Variants in LMO7 observed in about 807,000 individuals in gnomAD.
The protein encoded by LMO7 is LIM domain 7, also known as LIM domain only protein 7.
A neutral mutation model predicts 206.5 loss-of-function variants in LMO7; 120 were observed. That is an observed-to-expected ratio of 0.58 (90% confidence interval 0.50 to 0.68). LMO7 has a LOEUF of 0.68. LMO7 is among the 30% of genes least tolerant of loss of function. The probability of loss-of-function intolerance (pLI) is 0.00; values close to 1 mark genes in which losing one functional copy is unlikely to be tolerated. For missense variants in LMO7, 1,959 were observed against 1,957.9 expected, an observed-to-expected ratio of 1.00 and a Z score of -0.01; for synonymous variants, 706 against 681.5, an observed-to-expected ratio of 1.04 and a Z score of -0.56.
At chr13:75,718,365 T>A (rs2043731799) in intron 2 of LMO7, among the ~76,000 whole-genome samples, 1 of 152,218 alleles carries the variant, frequency 6.6e-6, no homozygotes, top group South Asian at 2.1e-4. Context: ...TATATCACTC[T>A]TATTTACCTG....
intron 3 of LMO7, among the ~76,000 whole-genome samples, chr13:75,735,373 A>C (rs544469421): frequency 3.4e-4 from 51 of 152,108 alleles, no homozygotes; most frequent in Non-Finnish European, 6.3e-4. Context: ...ATACACACAC[A>C]CACACACACA....
rs1233014652 is a variant in LMO7 at position 75,807,353 on chromosome 13, T to A, written c.1197-127T>A. 2.5e-5 allele frequency: 24 copies of A among 941,982 alleles called. No individual in the cohort carries two copies. The East Asian group carries it at 2.6e-4, about 10-fold the overall frequency. The allele number at this position is 941,982 out of a possible 1,614,324, so 58.4% of individuals were successfully genotyped here. On this transcript the variant is annotated intron_variant, in intron 9 of 30. Coordinates refer to ENST00000377534, the MANE Select transcript of LMO7 (RefSeq NM_001306080.2). ...AGCAAGAGTCCCCACAATGGTCCTC[T>A]AAAATGATTTACCCTCAGTAACTGG...
At chr13:75,627,981 A>C (rs1721768056) in intron 2 of LMO7, 1 of 152,000 alleles carries the variant, frequency 6.6e-6, no homozygotes, top group Non-Finnish European at 1.5e-5. Flanking sequence ...AAAAACCTCA[A>C]AAAAAGCTCT....
At chr13:75,828,280 C>T (rs1430072473) in intron 15 of LMO7, among the ~76,000 whole-genome samples, 4 of 152,156 alleles carry the variant, frequency 2.6e-5, no homozygotes, top group Admixed American at 6.5e-5. Context: ...GTATTATCCC[C>T]GTTTTTACCA....
intron 2 of LMO7, 24 bp from the exon 3 acceptor site, chr13:75,727,002 TTGC>T: frequency 7.8e-7 from 1 of 1,286,192 alleles, no homozygotes; most frequent in Non-Finnish European, 1.1e-6. Context: ...CATCTTGTAA[TTGC>T]ATCTGTTATT....
chr13:75,665,056 G>A (rs1383837852), intron 1 of LMO7, among the ~76,000 whole-genome samples: 1 of 152,092 alleles, frequency 6.6e-6, no homozygotes, highest in East Asian at 1.9e-4. Flanking sequence ...AGGGTCAGGT[G>A]TGTGTATATG....
chr13:75,726,318 G>T (rs186749241), intron 2 of LMO7, among the ~76,000 whole-genome samples: 2 of 152,084 alleles, frequency 1.3e-5, no homozygotes, highest in Admixed American at 6.6e-5. Context: ...AGTTTCAGTT[G>T]TCAAAGCTGA....
At chr13:75,776,153 T>C (rs2050372448) in intron 4 of LMO7, among the ~76,000 whole-genome samples, 1 of 93,718 alleles carries the variant, frequency 1.1e-5, no homozygotes, top group African/African-American at 3.5e-5. Flanking sequence ...ATGCCATGTA[T>C]ATATATCGGA....
In LMO7 at chr13:75,649,571, G is replaced by A. The variant is rs552860030; in HGVS notation, c.69+12845G>A. 2.0e-5 allele frequency among the ~76,000 whole-genome samples: 3 copies of A among 152,294 alleles called. No individual in the cohort carries two copies. In the South Asian group the frequency reaches 6.2e-4, roughly 32 times the overall value. On this transcript the variant is annotated intron_variant, in intron 1 of 30. Coordinates refer to ENST00000377534, the MANE Select transcript of LMO7 (RefSeq NM_001306080.2). ...GAAAGTATAGATTTGGAGTGTTGGT[G>A]TGGGAGCCAAACCAAGCTTGGTAAA...
At chr13:75,846,842 C>T (rs2060032659) in intron 26 of LMO7, among the ~76,000 whole-genome samples, 1 of 152,012 alleles carries the variant, frequency 6.6e-6, no homozygotes, top group Admixed American at 6.6e-5. Context: ...ACCAGCCTGA[C>T]CAACATAGTG....
At chr13:75,633,796 A>G (rs2035320179), upstream of LMO7, among the ~76,000 whole-genome samples, 1 of 151,548 alleles carries the variant, frequency 6.6e-6, no homozygotes. Context: ...TAGGTGTGAA[A>G]ATAGCATTAT....
At chr13:75,731,160 C>A (rs1367652720) in intron 3 of LMO7, among the ~76,000 whole-genome samples, 1 of 152,070 alleles carries the variant, frequency 6.6e-6, no homozygotes, top group Non-Finnish European at 1.5e-5. Context: ...TGGTGCAGAG[C>A]CGAGTTCAAT....
chr13:75,744,562 G>A (rs534619697), intron 3 of LMO7, among the ~76,000 whole-genome samples: 2 of 152,230 alleles, frequency 1.3e-5, no homozygotes, highest in South Asian at 2.1e-4. Flanking sequence ...CTCCCCTTAG[G>A]TACCTTTTGT....
chr13:75,777,346 C>T (rs539423283), intron 4 of LMO7, among the ~76,000 whole-genome samples: 53 of 152,312 alleles, frequency 3.5e-4, no homozygotes, highest in African/African-American at 1.2e-3. Context: ...TATGTTCATG[C>T]TATTCCACAT....
chr13:75,726,927 C>T (rs942334436), intron 2 of LMO7, 102 bp from the exon 3 acceptor site: 28 of 710,668 alleles, frequency 3.9e-5, no homozygotes, highest in Non-Finnish European at 6.7e-5. Context: ...CTGTATAACA[C>T]ATTGAGGGGA....
rs143917205 is a variant in LMO7, at chr13:75,752,038, A to G, written c.211-8894A>G. 3.8e-3 allele frequency among the ~76,000 whole-genome samples: 573 copies of G among 152,298 alleles called. 5 individuals are homozygous for G. Among genetic ancestry groups the G allele is most frequent in the African/African-American group, 0.013 (543 of 41,556 alleles). On this transcript the variant is annotated intron_variant, in intron 3 of 30. Transcript: ENST00000377534. ...GACTTTTGCATAATGAAATGATTCA[A>G]TGTATAAGAGAAATCTGGAGCATAA...
chr13:75,779,714 CAT>C (rs1247860034), intron 4 of LMO7, among the ~76,000 whole-genome samples: 5 of 152,126 alleles, frequency 3.3e-5, no homozygotes, highest in Non-Finnish European at 5.9e-5. Flanking sequence ...GAAAAATTGA[CAT>C]AACGCATCCC....
intron 1 of LMO7, among the ~76,000 whole-genome samples, chr13:75,654,530 C>G (rs2037866093): frequency 6.6e-6 from 1 of 152,120 alleles, no homozygotes; most frequent in South Asian, 2.1e-4. Flanking sequence ...GTTATTGGAT[C>G]TGGTAGAAGC....
chr13:75,838,085 A>G, intron 19 of LMO7, 55 bp from the exon 20 acceptor site: 1 of 1,055,318 alleles, frequency 9.5e-7, no homozygotes, highest in Admixed American at 1.8e-5. Context: ...CGTTTAATTT[A>G]CCAATGGTGA....
Sources: allele counts gnomAD v4.1 joint callset (sites outside exome capture counted in the v4.1 genomes callset), GRCh38; gene constraint gnomAD v4.1.1; transcripts MANE v1.5; gene names NCBI Gene and HGNC (gene_info 2026-07-23, HGNC 2026-07-21).